The following FGF12 variants were observed in gnomAD, a reference collection of about 807,000 sequenced individuals.
FGF12 encodes fibroblast growth factor 12B.
A neutral mutation model predicts 23.6 loss-of-function variants in FGF12; 14 were observed. The observed-to-expected ratio is 0.59, with a 90% confidence interval of 0.39 to 0.93. The LOEUF is 0.93. Ranked by LOEUF, FGF12 falls within the 40% of genes least tolerant of loss-of-function variation. The pLI, the probability that FGF12 is intolerant of heterozygous loss-of-function variation, is 0.00. For missense variants in FGF12, 175 were observed against 217.8 expected (o/e 0.80, Z 1.24); for synonymous variants, 62 against 77.3 (o/e 0.80, Z 1.04).
chr3:192,586,346 G>T (rs1713373628), intron 2 of FGF12, among the ~76,000 whole-genome samples: 1 of 152,074 alleles, frequency 6.6e-6, no homozygotes, highest in African/African-American at 2.4e-5. Flanking sequence ...ATGAACTCTG[G>T]AAATTTACGC....
chr3:192,688,940 C>T lies in FGF12; in HGVS notation c.13+38241G>A, dbSNP rs142764077. On this transcript the variant is annotated intron_variant, in intron 2 of 5. Transcript: ENST00000445105. ...AATAAAATTATGTCATTTGCAGCAACGTGGACTGAATTGGTTGGAGGTGAT... is the reference window on the plus strand; with the variant it reads ...AATAAAATTATGTCATTTGCAGCAATGTGGACTGAATTGGTTGGAGGTGAT... 4.6e-5 allele frequency among the ~76,000 whole-genome samples: 7 copies of T among 152,208 alleles called. No homozygotes were observed. The East Asian group carries it at 7.7e-4, about 17-fold the overall frequency.
At chr3:192,220,450 G>A (rs1718410171) in intron 4 of FGF12, among the ~76,000 whole-genome samples, 1 of 151,928 alleles carries the variant, frequency 6.6e-6, no homozygotes, top group Admixed American at 6.6e-5. Context: ...TTTGTCTTCT[G>A]TTACCATCTC....
chr3:192,197,287 C>A (rs1461564770), intron 4 of FGF12, among the ~76,000 whole-genome samples: 2 of 152,070 alleles, frequency 1.3e-5, no homozygotes, highest in African/African-American at 2.4e-5. Flanking sequence ...CAAGATCAGG[C>A]AATCAGTTTC....
intron 4 of FGF12, among the ~76,000 whole-genome samples, chr3:192,214,590 C>T (rs1041875774): frequency 6.6e-6 from 1 of 152,194 alleles, no homozygotes; most frequent in African/African-American, 2.4e-5. Flanking sequence ...GTCACATTTT[C>T]CTGTGTTCCA....
chr3:192,139,781 T>C lies in FGF12; in HGVS notation c.*4228A>G, dbSNP rs1277610777. ...ATTCTGAACATTATTAATTTTCACT[T>C]AACTTAGATTTAAGTATTGAATTTT... On this transcript the variant is annotated 3_prime_UTR_variant, in exon 6 of 6. Coordinates refer to ENST00000445105, the MANE Select transcript of FGF12 (RefSeq NM_004113.6). The C allele has an allele frequency of 1.3e-5, 2 of 152,138 alleles. No individual in the cohort carries two copies. Among genetic ancestry groups the C allele is most frequent in the Non-Finnish European group, 2.9e-5 (2 of 67,970 alleles). 9.4% of individuals were successfully genotyped at this position (152,138 alleles called of 1,614,324 possible).
chr3:192,643,090 G>A (rs1715866789), intron 2 of FGF12, among the ~76,000 whole-genome samples: 1 of 152,160 alleles, frequency 6.6e-6, no homozygotes, highest in Non-Finnish European at 1.5e-5. Context: ...CACATAGCTG[G>A]CAGACATGAT....
chr3:192,310,911 A>T (rs902063917), intron 4 of FGF12, among the ~76,000 whole-genome samples: 2 of 152,148 alleles, frequency 1.3e-5, no homozygotes, highest in African/African-American at 2.4e-5. Flanking sequence ...TGTTTCCACT[A>T]CTTCTTCCAC....
intron 4 of FGF12, among the ~76,000 whole-genome samples, chr3:192,207,987 C>T (rs565924130): frequency 6.6e-6 from 1 of 152,258 alleles, no homozygotes; most frequent in South Asian, 2.1e-4. Context: ...ACTGCAGAAA[C>T]ATTCTCTGCT....
rs531832217 is a variant in FGF12 at position 192,228,352 on chromosome 3, C to T, written c.229-57696G>A. On this transcript the variant is annotated intron_variant, in intron 4 of 5. Coordinates refer to ENST00000445105, the MANE Select transcript of FGF12 (RefSeq NM_004113.6). ...GGTAAAAATCCAGCTTCCCTGTGTC[C>T]TGACCTCTTATTCTGTTGAGCAAGC... is the stretch of plus-strand genomic sequence containing the variant. Among the ~76,000 whole-genome samples, 44 of 152,196 alleles carry T rather than the reference C, an allele frequency of 2.9e-4. 1 individual carries two copies. The South Asian group carries it at 8.9e-3, about 31-fold the overall frequency.
At chr3:192,597,016 C>G (rs955636102) in intron 2 of FGF12, among the ~76,000 whole-genome samples, 8 of 152,122 alleles carry the variant, frequency 5.3e-5, no homozygotes, top group Non-Finnish European at 1.0e-4. Context: ...AATGTTAAGT[C>G]CCTTGCCTGT....
At chr3:192,434,923 G>C (rs1721972369) in intron 2 of FGF12, among the ~76,000 whole-genome samples, 1 of 151,966 alleles carries the variant, frequency 6.6e-6, no homozygotes, top group Non-Finnish European at 1.5e-5. Flanking sequence ...CGCTTTTCAG[G>C]TCTATGCGCA....
chr3:192,365,719 T>C (rs1038476291), intron 2 of FGF12, among the ~76,000 whole-genome samples: 3 of 152,034 alleles, frequency 2.0e-5, no homozygotes, highest in African/African-American at 7.2e-5. Flanking sequence ...CAGGATGACA[T>C]GGCAATTTCA....
chr3:192,297,966 A>G (rs890640532), intron 4 of FGF12, among the ~76,000 whole-genome samples: 1 of 152,214 alleles, frequency 6.6e-6, no homozygotes, highest in Non-Finnish European at 1.5e-5. Context: ...TAGAATGTCT[A>G]TATTTCTGAA....
intron 4 of FGF12, among the ~76,000 whole-genome samples, chr3:192,195,594 G>C (rs1717024614): frequency 6.6e-6 from 1 of 152,164 alleles, no homozygotes; most frequent in African/African-American, 2.4e-5. Context: ...CTAGTTTTCT[G>C]TAAGTATACT....
chr3:192,430,183 T>C (rs905992368), intron 2 of FGF12, among the ~76,000 whole-genome samples: 26 of 152,124 alleles, frequency 1.7e-4, no homozygotes, highest in African/African-American at 6.0e-4. Context: ...AATGGAATAT[T>C]ATTCAGCCTT....
chr3:192,250,663 A>G (rs1222914664), intron 4 of FGF12, among the ~76,000 whole-genome samples: 1 of 152,174 alleles, frequency 6.6e-6, no homozygotes, highest in African/African-American at 2.4e-5. Flanking sequence ...TTATCAAACA[A>G]AAAATAGAGG....
At chr3:192,340,774 TG>T in intron 3 of FGF12, among the ~76,000 whole-genome samples, 1 of 152,214 alleles carries the variant, frequency 6.6e-6, no homozygotes, top group South Asian at 2.1e-4. Context: ...AGAATGAAAT[TG>T]GGCCCTTATG....
intron 2 of FGF12, among the ~76,000 whole-genome samples, chr3:192,714,746 C>A (rs903204270): frequency 3.3e-5 from 5 of 152,158 alleles, no homozygotes; most frequent in African/African-American, 9.6e-5. Context: ...TCTCGATCTC[C>A]TGACCTCGTG....
intron 2 of FGF12, among the ~76,000 whole-genome samples, chr3:192,487,018 T>G (rs1723655572): frequency 6.6e-6 from 1 of 152,120 alleles, no homozygotes; most frequent in African/African-American, 2.4e-5. Flanking sequence ...ATTATTATTA[T>G]TTTCTGGAAG....
Sources: gnomAD v4.1 joint callset for allele counts (sites outside exome capture counted in the v4.1 genomes callset) on GRCh38, gnomAD v4.1.1 for gene constraint, MANE v1.5 for transcripts, NCBI Gene and HGNC (gene_info 2026-07-23, HGNC 2026-07-21) for gene names.